The following KIFAP3 variants were observed in gnomAD, a reference collection of about 807,000 sequenced individuals.
KIFAP3 encodes the protein kinesin-associated protein 3.
In KIFAP3, 68 loss-of-function variants were observed where a neutral mutation model predicts 106.5. The observed-to-expected ratio is 0.64, with a 90% CI of 0.53 to 0.78. KIFAP3 has a LOEUF of 0.78. Ranked by LOEUF, KIFAP3 falls within the 30% of genes least tolerant of loss-of-function variation. The probability of loss-of-function intolerance (pLI) is 0.00; values close to 1 mark genes in which losing one functional copy is unlikely to be tolerated. For missense variants in KIFAP3, 780 were observed against 941.8 expected, an observed-to-expected ratio of 0.83 and a Z score of 2.25; for synonymous variants, 320 against 311.5, an observed-to-expected ratio of 1.03 and a Z score of -0.29.
intron 10 of KIFAP3, among the ~76,000 whole-genome samples, chr1:169,992,659 A>G (rs1558226999): frequency 1.3e-5 from 2 of 152,184 alleles, no homozygotes; most frequent in Non-Finnish European, 2.9e-5. Context: ...TCTACAAATC[A>G]GAAACTGAAA....
chr1:169,937,644 A>C (rs1447985122), intron 19 of KIFAP3, among the ~76,000 whole-genome samples: 1 of 151,856 alleles, frequency 6.6e-6, no homozygotes, highest in African/African-American at 2.4e-5. Context: ...AATACAACCA[A>C]CTAAAGATAT....
At chr1:169,945,202 A>G (rs2093050) in intron 19 of KIFAP3, among the ~76,000 whole-genome samples, 142,271 of 152,206 alleles carry the variant, frequency 0.93, 66,586 homozygotes, top group East Asian at 0.99. Context: ...CAGCCAGGTC[A>G]TGACAGTGCC....
intron 5 of KIFAP3, among the ~76,000 whole-genome samples, chr1:170,037,924 T>C (rs941162684): frequency 6.6e-6 from 1 of 152,168 alleles, no homozygotes; most frequent in Non-Finnish European, 1.5e-5. Flanking sequence ...TCAATGAAAC[T>C]GCAAAGATTA....
intron 10 of KIFAP3, among the ~76,000 whole-genome samples, chr1:170,014,691 T>C (rs1178322926): frequency 2.6e-5 from 4 of 152,044 alleles, no homozygotes; most frequent in Non-Finnish European, 4.4e-5. Flanking sequence ...AGAGAGTAAA[T>C]TTTTTTTAAA....
intron 3 of KIFAP3, chr1:170,041,889 A>G (rs751351956): frequency 8.6e-5 from 117 of 1,363,088 alleles, no homozygotes; most frequent in Admixed American, 1.4e-4. Flanking sequence ...TGGAAGGAGA[A>G]TAAAGGGCAA....
chr1:170,003,296 T>A (rs978833279), intron 10 of KIFAP3, among the ~76,000 whole-genome samples: 26 of 152,202 alleles, frequency 1.7e-4, no homozygotes, highest in Non-Finnish European at 2.9e-5. Context: ...ACTTTGAGTA[T>A]CACTGTATTA....
chr1:170,041,864 G>C, intron 3 of KIFAP3: 3 of 1,391,782 alleles, frequency 2.2e-6, no homozygotes, highest in African/African-American at 1.4e-5. Context: ...CCTGTTTAAG[G>C]GGAATTTCCC....
At chr1:170,066,571 G>C (rs760129994) in intron 1 of KIFAP3, among the ~76,000 whole-genome samples, 11 of 152,210 alleles carry the variant, frequency 7.2e-5, no homozygotes, top group Non-Finnish European at 1.6e-4. Flanking sequence ...AAAATGAAGA[G>C]AGGTAAATCT....
chr1:169,966,326 T>C (rs1222934092), intron 17 of KIFAP3, among the ~76,000 whole-genome samples: 2 of 151,778 alleles, frequency 1.3e-5, no homozygotes, highest in African/African-American at 4.8e-5. Context: ...AATTATATCT[T>C]GCAAAAGATC....
intron 19 of KIFAP3, 118 bp downstream of exon 19, chr1:169,953,893 A>C (rs1229721450): frequency 1.1e-5 from 8 of 722,394 alleles, no homozygotes; most frequent in Non-Finnish European, 2.0e-5. Flanking sequence ...CCTTGAAAAG[A>C]TTGAGGGTTT....
intron 2 of KIFAP3, among the ~76,000 whole-genome samples, chr1:170,049,705 G>A (rs151242155): frequency 3.2e-4 from 48 of 152,282 alleles, no homozygotes; most frequent in African/African-American, 1.1e-3. Flanking sequence ...GGGGTCTGGA[G>A]TGGAATTGCA....
At chr1:169,945,986 C>G (rs879275943) in intron 19 of KIFAP3, among the ~76,000 whole-genome samples, 24 of 152,134 alleles carry the variant, frequency 1.6e-4, no homozygotes, top group Non-Finnish European at 3.1e-4. Flanking sequence ...ATTTCCTTGC[C>G]TTTTCTATAT....
At chr1:169,988,370 AT>A (rs1466072972) in intron 11 of KIFAP3, among the ~76,000 whole-genome samples, 1 of 151,950 alleles carries the variant, frequency 6.6e-6, no homozygotes, top group African/African-American at 2.4e-5. Context: ...ACTATATTCA[AT>A]TTTTTTCATC....
At chr1:169,984,802 A>G (rs1666730587) in intron 11 of KIFAP3, 112 bp from the exon 12 acceptor site, 2 of 566,976 alleles carry the variant, frequency 3.5e-6, no homozygotes, top group Non-Finnish European at 3.2e-6. Flanking sequence ...TGGGCATAAT[A>G]TAATTATTTA....
chr1:169,976,027 A>G (rs1666206193), intron 16 of KIFAP3, among the ~76,000 whole-genome samples: 1 of 152,188 alleles, frequency 6.6e-6, no homozygotes, highest in Non-Finnish European at 1.5e-5. Flanking sequence ...GAAAGGTCAA[A>G]TAGGAATTCT....
At chr1:169,971,695 TA>T (rs980920388) in intron 17 of KIFAP3, among the ~76,000 whole-genome samples, 1 of 151,260 alleles carries the variant, frequency 6.6e-6, no homozygotes, top group Non-Finnish European at 1.5e-5. Context: ...TATTGATTTT[TA>T]AAAAAAAATG....
At chr1:170,006,489 C>A (rs1667969902) in intron 10 of KIFAP3, among the ~76,000 whole-genome samples, 1 of 151,950 alleles carries the variant, frequency 6.6e-6, no homozygotes, top group Admixed American at 6.6e-5. Flanking sequence ...GGGTGGTGCA[C>A]AGGTAGTAAA....
intron 3 of KIFAP3, among the ~76,000 whole-genome samples, chr1:170,045,422 C>G (rs558925135): frequency 1.3e-5 from 2 of 152,092 alleles, no homozygotes; most frequent in Admixed American, 1.3e-4. Flanking sequence ...AACTAAGATT[C>G]CTTATGGAAA....
Position 169,983,304 on chromosome 1 carries a change from GA to G in KIFAP3, c.1471del (p.Ser491LeufsTer31). 1 of 1,607,950 alleles carries G rather than the reference GA, an allele frequency of 6.2e-7. No individual in the cohort carries two copies. Among genetic ancestry groups the G allele is most frequent in the Non-Finnish European group, 8.5e-7 (1 of 1,176,490 alleles). Reference protein sequence around the residue: ...PLLMKMIRNISQHDGPTKNLF... With the variant: ...PLLMKMIRNIXQHDGPTKNLF... ...ATTTTTAGTTGGTCCATCATGCTGA[GA>G]AATGTTTCTAATCATTTTCATCAGC... On this transcript the variant is annotated frameshift_variant, in exon 13 of 20. Coordinates refer to ENST00000361580, the MANE Select transcript of KIFAP3 (RefSeq NM_014970.4). LOFTEE classifies it high-confidence loss of function.
Sources: gnomAD v4.1 joint callset for allele counts (sites outside exome capture counted in the v4.1 genomes callset) on GRCh38, gnomAD v4.1.1 for gene constraint, MANE v1.5 for transcripts, NCBI Gene and HGNC (gene_info 2026-07-23, HGNC 2026-07-21) for gene names.